ZSWIM6: variants seen among roughly 807,000 people sequenced by gnomAD.
ZSWIM6 encodes the protein zinc finger SWIM domain-containing protein 6.
Under a neutral mutation model 113.2 loss-of-function variants are expected in ZSWIM6, and 9 were observed. The ratio of observed to expected loss-of-function variants is 0.08; its 90% confidence interval spans 0.05 to 0.14. The LOEUF (loss-of-function observed/expected upper bound fraction) is 0.14, where lower values mean the gene tolerates loss of function less well. ZSWIM6 is among the 10% of genes least tolerant of loss of function. ZSWIM6 has a pLI of 1.00. For missense variants in ZSWIM6, 1,162 were observed against 1,552.2 expected, an observed-to-expected ratio of 0.75 and a Z score of 4.22; for synonymous variants, 611 against 606.5, an observed-to-expected ratio of 1.01 and a Z score of -0.11.
intron 4 of ZSWIM6, among the ~76,000 whole-genome samples, chr5:61,497,132 G>A (rs1748339942): frequency 6.6e-6 from 1 of 150,684 alleles, no homozygotes; most frequent in Admixed American, 6.6e-5. Context: ...AAAGATTCCT[G>A]GCATGAAAGC....
chr5:61,537,425 T>A (rs1358273394), intron 10 of ZSWIM6, among the ~76,000 whole-genome samples: 1 of 152,200 alleles, frequency 6.6e-6, no homozygotes, highest in Non-Finnish European at 1.5e-5. Context: ...GCATGCTTCT[T>A]AGTCCTTCTG....
At chr5:61,475,691 A>G (rs1747694931) in intron 2 of ZSWIM6, among the ~76,000 whole-genome samples, 1 of 152,210 alleles carries the variant, frequency 6.6e-6, no homozygotes, top group South Asian at 2.1e-4. Flanking sequence ...GTGGTAAAAA[A>G]GAAGAGAGGT....
At chr5:61,387,600 G>A (rs1745614812) in intron 1 of ZSWIM6, among the ~76,000 whole-genome samples, 1 of 152,004 alleles carries the variant, frequency 6.6e-6, no homozygotes, top group Admixed American at 6.6e-5. Context: ...GCAAAACTCT[G>A]CCTCTACTAA....
At chr5:61,460,800 T>G (rs1747307763) in intron 1 of ZSWIM6, among the ~76,000 whole-genome samples, 1 of 152,034 alleles carries the variant, frequency 6.6e-6, no homozygotes, top group Non-Finnish European at 1.5e-5. Flanking sequence ...GAATACATCC[T>G]TTTATGTAGC....
chr5:61,515,769 A>G (rs2112251954), intron 4 of ZSWIM6, among the ~76,000 whole-genome samples: 1 of 152,238 alleles, frequency 6.6e-6, no homozygotes, highest in South Asian at 2.1e-4. Context: ...AAGTCTCCAA[A>G]TATAATTGTG....
At chr5:61,372,573 AAG>A (rs1329891292) in intron 1 of ZSWIM6, among the ~76,000 whole-genome samples, 3 of 152,130 alleles carry the variant, frequency 2.0e-5, no homozygotes, top group Non-Finnish European at 4.4e-5. Context: ...AGTCTTAGTT[AAG>A]CCACCTTCCT....
chr5:61,488,145 C>T (rs1288688457), intron 2 of ZSWIM6, among the ~76,000 whole-genome samples: 1 of 151,412 alleles, frequency 6.6e-6, no homozygotes, highest in Non-Finnish European at 1.5e-5. Context: ...GGTTTTTGTT[C>T]TTTATTCTGG....
chr5:61,369,591 C>G (rs913802940), intron 1 of ZSWIM6, among the ~76,000 whole-genome samples: 2 of 152,198 alleles, frequency 1.3e-5, no homozygotes, highest in East Asian at 3.9e-4. Flanking sequence ...ACTTTACTAT[C>G]TTAGAAAGAT....
chr5:61,463,153 T>G (rs1264740688), intron 1 of ZSWIM6, among the ~76,000 whole-genome samples: 1 of 152,242 alleles, frequency 6.6e-6, no homozygotes, highest in Non-Finnish European at 1.5e-5. Flanking sequence ...ATTTAGATTT[T>G]TAATGAAGAT....
At position 61,544,033 on chromosome 5, in the gene ZSWIM6, C is replaced by A; in HGVS notation, c.3364C>A (p.His1122Asn). 1 of 1,552,074 alleles carries A rather than the reference C, an allele frequency of 6.4e-7. No individual in the cohort carries two copies. The highest frequency in any genetic ancestry group is 1.2e-5 in the South Asian group (1 of 84,066). Residue 1122 changes from histidine (H) to asparagine (N), a missense_variant, in exon 14 of 14, where the codon CAT becomes AAT. Physicochemically the swap from His to Asn is moderately conservative, Grantham distance 68. This residue lies in a region of ZSWIM6 where 113 missense variants were observed against 213.8 expected (regional missense o/e 0.53). Coordinates refer to ENST00000252744, the MANE Select transcript of ZSWIM6 (RefSeq NM_020928.2). ...TLTTPGMVGL[H>N]GRRNSGKLMS... ...GACCACTCCTGGCATGGTGGGACTT[C>A]ATGGGAGGAGGAACTCTGGTAAGCT...
intron 1 of ZSWIM6, among the ~76,000 whole-genome samples, chr5:61,447,438 A>G (rs1246270651): frequency 1.3e-5 from 2 of 152,182 alleles, no homozygotes; most frequent in Admixed American, 6.6e-5. Context: ...GGCTTGTTCA[A>G]CCTGCAAACA....
intron 1 of ZSWIM6, among the ~76,000 whole-genome samples, chr5:61,424,727 CTTTTTTTT>C (rs35994591): frequency 7.4e-6 from 1 of 134,744 alleles, no homozygotes; most frequent in Admixed American, 7.5e-5. Flanking sequence ...AATCTTGGCT[CTTTTTTTT>C]TTTTTTTTTG....
intron 1 of ZSWIM6, among the ~76,000 whole-genome samples, chr5:61,362,292 G>A (rs887835170): frequency 1.3e-5 from 2 of 151,514 alleles, no homozygotes; most frequent in Admixed American, 6.6e-5. Flanking sequence ...TCTGCCTCCC[G>A]GATTCAAGCA....
rs869288331 is a variant in ZSWIM6 at position 61,464,158 on chromosome 5, A to ATTTTTTTTTTTTTTTTTT, written c.677-8507_677-8490dup. ...AGGTGCATGCCAACACACCCGGCTAATTTTTTTTTTTTTTTTTTTTTTTTT... is the reference window on the plus strand; with the variant it reads ...AGGTGCATGCCAACACACCCGGCTAATTTTTTTTTTTTTTTTTTTTTTTTTTTTTTTTTTTTTTTTTTT... On this transcript the variant is annotated intron_variant, in intron 1 of 13. Transcript: ENST00000252744. 5.7e-4 allele frequency among the ~76,000 whole-genome samples: 25 copies of ATTTTTTTTTTTTTTTTTT among 43,526 alleles called. 2 individuals carry two copies. The highest frequency in any genetic ancestry group is 7.4e-4 in the Non-Finnish European group (18 of 24,284). 28.6% of individuals were successfully genotyped at this position (43,526 alleles called of 152,430 possible).
intron 1 of ZSWIM6, 31 bp downstream of exon 1, chr5:61,332,979 T>G: frequency 1.7e-6 from 1 of 574,108 alleles, no homozygotes; most frequent in Non-Finnish European, 2.4e-6. Context: ...GAGCCGTCTG[T>G]CCGTCCGTCA....
At chr5:61,490,987 C>T (rs1443439411) in intron 3 of ZSWIM6, 53 bp downstream of exon 3, 6 of 1,417,328 alleles carry the variant, frequency 4.2e-6, no homozygotes, top group Middle Eastern at 2.1e-4. Context: ...TATATAGGGA[C>T]TATCTGAATA....
At chr5:61,365,110 G>A (rs1745123050) in intron 1 of ZSWIM6, among the ~76,000 whole-genome samples, 1 of 152,138 alleles carries the variant, frequency 6.6e-6, no homozygotes, top group African/African-American at 2.4e-5. Flanking sequence ...ATTTTGGGAG[G>A]GGAGATCGAG....
At chr5:61,436,970 A>C (rs1228819841) in intron 1 of ZSWIM6, among the ~76,000 whole-genome samples, 1 of 152,196 alleles carries the variant, frequency 6.6e-6, no homozygotes, top group Non-Finnish European at 1.5e-5. Flanking sequence ...GATGGGAGCC[A>C]CTTAGAGCCA....
At chr5:61,520,340 G>A (rs572050507) in intron 4 of ZSWIM6, among the ~76,000 whole-genome samples, 2 of 152,272 alleles carry the variant, frequency 1.3e-5, no homozygotes, top group South Asian at 4.1e-4. Context: ...AGTAAAACTT[G>A]AACTTTTAAA....
Sources: allele counts gnomAD v4.1 joint callset (sites outside exome capture counted in the v4.1 genomes callset), GRCh38; gene constraint gnomAD v4.1.1; regional missense constraint gnomAD v4.1.1; transcripts MANE v1.5; gene names NCBI Gene and HGNC (gene_info 2026-07-23, HGNC 2026-07-21).